The following MIA2 variants were observed in gnomAD, a reference collection of about 807,000 sequenced individuals.
MIA2 encodes MIA SH3 domain ER export factor 2.
MIA2 carries 127 observed loss-of-function variants against 167.8 expected under a neutral mutation model. The ratio of observed to expected loss-of-function variants is 0.76; its 90% CI spans 0.66 to 0.88. The LOEUF (loss-of-function observed/expected upper bound fraction) is 0.88, where lower values mean the gene tolerates loss of function less well. MIA2 is among the 40% of genes least tolerant of loss of function. The pLI is 0.00. For synonymous variants in MIA2, 552 were observed against 541.9 expected (o/e 1.02, Z -0.26); for missense variants, 1,690 against 1,624.7 (o/e 1.04, Z -0.69).
intron 9 of MIA2, 100 bp from the exon 10 acceptor site, chr14:39,290,919 T>C (rs773549384): frequency 7.5e-6 from 8 of 1,061,026 alleles, no homozygotes; most frequent in Non-Finnish European, 1.1e-5. Flanking sequence ...ATTTAATGTA[T>C]TATGTGGAAA....
chr14:39,371,608 G>T (rs780745662), intron 23 of MIA2, among the ~76,000 whole-genome samples: 10 of 152,290 alleles, frequency 6.6e-5, no homozygotes, highest in Non-Finnish European at 1.3e-4. Context: ...GAGATGATGG[G>T]TTTTTTGTGT....
intron 6 of MIA2, among the ~76,000 whole-genome samples, chr14:39,275,791 G>A (rs553525852): frequency 3.7e-4 from 57 of 152,090 alleles, no homozygotes; most frequent in Admixed American, 9.8e-4. Context: ...AGATTTCTGC[G>A]AACTGGTACC....
At chr14:39,251,239 C>G (rs988684568) in intron 4 of MIA2, among the ~76,000 whole-genome samples, 1 of 152,032 alleles carries the variant, frequency 6.6e-6, no homozygotes, top group Non-Finnish European at 1.5e-5. Context: ...AACGGGTAAA[C>G]TAGGGAACGG....
intron 23 of MIA2, chr14:39,385,995 C>T: frequency 1.1e-6 from 1 of 874,974 alleles, no homozygotes; most frequent in Non-Finnish European, 1.9e-6. Context: ...AAGAACGCCT[C>T]CATCCAGCAG....
intron 6 of MIA2, chr14:39,253,392 G>C: frequency 1.6e-6 from 1 of 629,608 alleles, no homozygotes; most frequent in South Asian, 2.2e-5. Context: ...TGTTGATCTT[G>C]AGCGGTGTTT....
chr14:39,357,710 G>T (rs920087531), intron 23 of MIA2, among the ~76,000 whole-genome samples: 18 of 152,158 alleles, frequency 1.2e-4, no homozygotes, highest in Admixed American at 3.9e-4. Flanking sequence ...CTTTCCATGT[G>T]TAGTGCTTCC....
rs1250568885 is a variant in MIA2 at position 39,348,770 on chromosome 14, C to G, written c.3865C>G (p.Pro1289Ala). 4.3e-6 allele frequency: 7 copies of G among 1,613,752 alleles called. No individual in the cohort carries two copies. Among genetic ancestry groups the G allele is most frequent in the Non-Finnish European group, 5.1e-6 (6 of 1,179,848 alleles). The change falls in exon 28 of 29, where the codon CCT (proline) becomes GCT (alanine). Residue 1289 changes from proline to alanine, a missense_variant. Pro to Ala is a conservative substitution (Grantham distance 27). Coordinates refer to ENST00000640607, the MANE Select transcript of MIA2 (RefSeq NM_001329214.4). ...GNLNVPDSSL[P>A]AENEATGPGF... ...TTTAAATGTGCCTGATTCATCTCTCCCTGCTGAAAATGAAGCCACTGGCCC... is the reference window on the plus strand; with the variant it reads ...TTTAAATGTGCCTGATTCATCTCTCGCTGCTGAAAATGAAGCCACTGGCCC...
At chr14:39,385,847 G>A (rs1329329062) in intron 23 of MIA2, 8 of 967,642 alleles carry the variant, frequency 8.3e-6, no homozygotes, top group Admixed American at 1.7e-5. Context: ...CCTTGTCCTC[G>A]ACCTCTCCCC....
At position 39,357,373 on chromosome 14, in the gene MIA2, A is replaced by G. The variant is rs558268207; in HGVS notation, c.2248+8396A>G. Among the ~76,000 whole-genome samples, 4 of 151,278 alleles carry G rather than the reference A, an allele frequency of 2.6e-5. No individual in the cohort carries two copies. The South Asian group carries it at 8.4e-4, about 32-fold the overall frequency. ...TGTTTTATCAGAGATTAGGATTGCA[A>G]CCCCTGCCTTTTTTTGTTTTCCATT... On this transcript the variant is annotated intron_variant, in intron 23 of 23. Transcript: ENST00000341502.
chr14:39,240,480 G>A lies in MIA2; in HGVS notation c.250-81G>A, dbSNP rs186996638. 1.0e-4 allele frequency: 101 copies of A among 1,001,856 alleles called. No individual in the cohort carries two copies. The East Asian group carries it at 2.4e-3, about 23-fold the overall frequency. The allele number at this position is 1,001,856 out of a possible 1,614,324, so 62.1% of individuals were successfully genotyped here. ...CGATTCAGAGTAGATGAAAGCCAAGGACATGGGACAAAATTAGGTTCAATA... is the reference window on the plus strand; with the variant it reads ...CGATTCAGAGTAGATGAAAGCCAAGAACATGGGACAAAATTAGGTTCAATA... On this transcript the variant is annotated intron_variant, in intron 2 of 28. Coordinates refer to ENST00000640607, the MANE Select transcript of MIA2 (RefSeq NM_001329214.4).
intron 6 of MIA2, 45 bp downstream of exon 6, chr14:39,253,216 G>C: frequency 1.2e-6 from 2 of 1,600,098 alleles, no homozygotes; most frequent in Admixed American, 3.4e-5. Context: ...TACCTATTTT[G>C]CTAAATATAA....
Position 39,296,900 on chromosome 14 carries a change from C to T in MIA2, c.2496+1871C>T, listed in dbSNP as rs572732667. Among the ~76,000 whole-genome samples, 100 of 151,842 alleles carry T rather than the reference C, an allele frequency of 6.6e-4. 1 individual carries two copies. The highest frequency in any genetic ancestry group is 2.2e-3 in the African/African-American group (90 of 41,442). On this transcript the variant is annotated intron_variant, in intron 13 of 28. Coordinates refer to ENST00000640607, the MANE Select transcript of MIA2 (RefSeq NM_001329214.4). ...AAGTGATTCTCGTGCCTCAGCCTCC[C>T]GAGTAGCTGGGATTATAGGTGTCTG...
intron 17 of MIA2, among the ~76,000 whole-genome samples, chr14:39,306,958 T>G (rs1168742976): frequency 2.0e-5 from 3 of 152,208 alleles, no homozygotes; most frequent in African/African-American, 7.2e-5. Flanking sequence ...CATAATTATT[T>G]AGAATGATTC....
intron 6 of MIA2, among the ~76,000 whole-genome samples, chr14:39,274,431 CTTTT>C (rs547198743): frequency 7.3e-6 from 1 of 136,978 alleles, no homozygotes. Flanking sequence ...TTCTTTTTTT[CTTTT>C]TTTTTTTTTT....
intron 1 of MIA2, 143 bp downstream of exon 1, chr14:39,234,372 A>C (rs1428744233): frequency 5.9e-6 from 3 of 512,070 alleles, no homozygotes; most frequent in Non-Finnish European, 1.0e-5. Context: ...TGGTATAAAA[A>C]AGAAATGTTG....
At chr14:39,346,094 AT>A in intron 26 of MIA2, 68 bp downstream of exon 26, 1 of 1,311,718 alleles carries the variant, frequency 7.6e-7, no homozygotes. Context: ...GGAAGTTAGA[AT>A]AAAGACCAAT....
chr14:39,341,086 G>T (rs377303858), intron 25 of MIA2, among the ~76,000 whole-genome samples: 7 of 152,130 alleles, frequency 4.6e-5, no homozygotes, highest in African/African-American at 1.7e-4. Context: ...CAGATCACCT[G>T]AGGTCAGAAG....
intron 16 of MIA2, among the ~76,000 whole-genome samples, chr14:39,304,019 G>A (rs1434139646): frequency 3.9e-5 from 6 of 152,036 alleles, no homozygotes; most frequent in South Asian, 2.1e-4. Flanking sequence ...AAAGTAAATA[G>A]AATGAAAATA....
At chr14:39,356,935 G>C (rs1467500867) in intron 23 of MIA2, among the ~76,000 whole-genome samples, 3 of 152,286 alleles carry the variant, frequency 2.0e-5, no homozygotes, top group Non-Finnish European at 2.9e-5. Flanking sequence ...TATAATTTCT[G>C]TTCTTTTACA....
Sources: gnomAD v4.1 joint callset for allele counts (sites outside exome capture counted in the v4.1 genomes callset) on GRCh38, gnomAD v4.1.1 for gene constraint, MANE v1.5 for transcripts, NCBI Gene and HGNC (gene_info 2026-07-23, HGNC 2026-07-21) for gene names.